FASN: variants seen among roughly 807,000 people sequenced by gnomAD.
FASN encodes fatty acid synthase, also known as 3-hydroxyacyl-[acyl-carrier-protein] dehydratase.
FASN carries 50 observed loss-of-function variants against 250.0 expected under a neutral mutation model. The ratio of observed to expected loss-of-function variants is 0.20; its 90% CI spans 0.16 to 0.25. The LOEUF is 0.25. Among genes scored for constraint, FASN ranks in the 10% least tolerant of loss-of-function variants. The pLI is 1.00. For synonymous variants in FASN, 1,909 were observed against 1,584.0 expected (o/e 1.21, Z -4.87); for missense variants, 3,031 against 3,498.5 (o/e 0.87, Z 3.37).
Position 82,085,760 on chromosome 17 carries a change from C to T in FASN, c.3844G>A (p.Ala1282Thr). The T allele has an allele frequency of 6.4e-7, 1 of 1,564,498 alleles. No homozygotes were observed. The highest frequency in any genetic ancestry group is 8.7e-7 in the Non-Finnish European group (1 of 1,155,046). ...TGCTGCTGCAGCTCGGCCTGGGCAG[C>T]CTCCAGGGCCTGGGGGTGGCGGTCG... Reference protein sequence around the residue: ...ATDRHPQALEAAQAELQQHDV... With the variant: ...ATDRHPQALETAQAELQQHDV... Residue 1282 changes from alanine to threonine, a missense_variant, in exon 23 of 43, where the codon GCT (alanine) becomes ACT (threonine). Coordinates refer to ENST00000306749, the MANE Select transcript of FASN (RefSeq NM_004104.5).
chr17:82,084,811 G>C lies in FASN; in HGVS notation c.4552C>G (p.Leu1518Val). ...DGAWGAFRHF[L>V]LEEDKPEEPT... is the part of the protein sequence containing the mutation. ...GTCGGGGGCTCACCCTCCTCCAGCA[G>C]GAAGTGGCGGAAAGCCCCCCAGGCC... Residue 1518 changes from leucine to valine, a missense_variant, in exon 26 of 43, where the codon CTG becomes GTG. Leu to Val is a conservative substitution (Grantham distance 32). Coordinates refer to ENST00000306749, the MANE Select transcript of FASN (RefSeq NM_004104.5). 1 of 1,550,270 alleles carries C rather than the reference G, an allele frequency of 6.5e-7. No homozygotes were observed. Among genetic ancestry groups the C allele is most frequent in the Non-Finnish European group, 8.7e-7 (1 of 1,146,960 alleles).
At position 82,079,235 on chromosome 17, in the gene FASN, G is replaced by A. The variant is rs777971087; in HGVS notation, c.7444C>T (p.Arg2482Cys). 3.4e-5 allele frequency: 55 copies of A among 1,612,928 alleles called. No individual in the cohort carries two copies. The highest frequency in any genetic ancestry group is 5.5e-5 in the South Asian group (5 of 91,088). ...VSVHVIEGDHRTLLEGSGLES... is the reference protein window; with the variant it reads ...VSVHVIEGDHCTLLEGSGLES... ...AGGCCGCTGCCCTCCAGCAGCGTGC[G>A]GTGGTCACCCTCGATGACGTGGACG... Residue 2482 changes from arginine to cysteine, a missense_variant, in exon 43 of 43, where the codon CGC (arginine) becomes TGC (cysteine). Transcript: ENST00000306749.
At chr17:82,082,721 GTC>G (rs1391018677) in intron 33 of FASN, 43 bp from the exon 34 acceptor site, 1 of 1,601,248 alleles carries the variant, frequency 6.2e-7, no homozygotes, top group South Asian at 1.1e-5. Flanking sequence ...CCAGGGTACG[GTC>G]TCTTCCCTAC....
chr17:82,079,437 G>A lies in FASN; in HGVS notation c.7318C>T (p.His2440Tyr). The A allele has an allele frequency of 6.2e-7, 1 of 1,613,036 alleles. No individual in the cohort carries two copies. Among genetic ancestry groups the A allele is most frequent in the Non-Finnish European group, 8.5e-7 (1 of 1,179,988 alleles). Residue 2440 changes from histidine to tyrosine, a missense_variant, in exon 42 of 43, where the codon CAT becomes TAT. By Grantham distance (83) the His-to-Tyr change is moderately conservative (BLOSUM62 2). Transcript: ENST00000306749. ...AEQYTPKAKY[H>Y]GNVMLLRAKT... The stretch of plus-strand genomic sequence containing the variant: ...GCGCGCAGTAGCATCACGTTGCCAT[G>A]GTACTTGGCCTTGGGTGTGTACTGC...
At chr17:82,082,287 C>A (rs372293697) in intron 35 of FASN, 36 bp downstream of exon 35, 14 of 1,610,224 alleles carry the variant, frequency 8.7e-6, no homozygotes, top group Non-Finnish European at 1.2e-5. Context: ...AGCCCAGAGC[C>A]CGGCAGAGGC....
rs762709317 is a variant in FASN, at chr17:82,091,664, G to A, written c.1050C>T (p.His350=). 45 of 1,588,940 alleles carry A rather than the reference G, an allele frequency of 2.8e-5. No homozygotes were observed. The highest frequency in any genetic ancestry group is 6.8e-5 in the East Asian group (3 of 44,006). Residue 350 remains histidine (H), a synonymous_variant, in exon 9 of 43, where the codon CAC becomes CAT. Transcript: ENST00000306749. ...AGTGCAGGTTGGGGGCCCAGAGCCC[G>A]TGCTCCAGGGACAGCAGCACCTGCG... ...ALAKVLLSLE[H]GLWAPNLHFH...
rs2033991569 is a variant in FASN, at chr17:82,081,761, G to A, written c.6246C>T (p.Gly2082=). ...AGGACGCCATGCGCTGGGGCAGCGT[G>A]CCACTGACGATCGTGTCGTTGGTGC... ...TMSTNDTIVS[G]TLPQRMASCL... Residue 2082 remains glycine, a synonymous_variant, in exon 37 of 43, where the codon GGC becomes GGT. Transcript: ENST00000306749. 1.2e-6 allele frequency: 2 copies of A among 1,612,566 alleles called. No homozygotes were observed. The highest frequency in any genetic ancestry group is 1.7e-5 in the Admixed American group (1 of 60,010).
chr17:82,084,341 C>T lies in FASN; in HGVS notation c.4812G>A (p.Ser1604=), dbSNP rs766545853. 8.1e-6 allele frequency: 13 copies of T among 1,608,974 alleles called. No homozygotes were observed. Among genetic ancestry groups the T allele is most frequent in the East Asian group, 4.5e-5 (2 of 44,688 alleles). ...CACGCTTGCCGCTGGCGTCTCGGCCCGAGAACTCCATACCTAGCAGGCTGT... is the reference window on the plus strand; with the variant it reads ...CACGCTTGCCGCTGGCGTCTCGGCCTGAGAACTCCATACCTAGCAGGCTGT... The part of the protein sequence containing the change: ...SQDSLLGMEF[S]GRDASGKRVM... Residue 1604 remains serine, a synonymous_variant, in exon 28 of 43, where the codon TCG becomes TCA. Coordinates refer to ENST00000306749, the MANE Select transcript of FASN (RefSeq NM_004104.5).
Position 82,088,073 on chromosome 17 carries a change from C to T in FASN, c.2786-39G>A, listed in dbSNP as rs17848932. ...GAGTTGGAGATCAGAGGGCAGCACC[C>T]GCCCCCCAGCTACCCCCGCCTTGGT... On this transcript the variant is annotated intron_variant, in intron 17 of 42. Coordinates refer to ENST00000306749, the MANE Select transcript of FASN (RefSeq NM_004104.5). 221 of 1,612,404 alleles carry T rather than the reference C, an allele frequency of 1.4e-4. 1 individual carries two copies. In the East Asian group the frequency reaches 4.0e-3, roughly 29 times the overall value.
Position 82,084,619 on chromosome 17 carries a change from G to A in FASN, c.4662C>T (p.Ala1554=), listed in dbSNP as rs763231502. 2 of 1,607,094 alleles carry A rather than the reference G, an allele frequency of 1.2e-6. No homozygotes were observed. The highest frequency in any genetic ancestry group is 1.7e-4 in the Middle Eastern group (1 of 6,054). The change falls in exon 27 of 43, where the codon GCC becomes GCT. Residue 1554 remains alanine (A), a synonymous_variant. Coordinates refer to ENST00000306749, the MANE Select transcript of FASN (RefSeq NM_004104.5). ...GCTGGGCGCCAGGGCAGGTGGGCTG[G>A]GCATGGCGCAGCGAGGAGCAGACCC... ...IRWVCSSLRH[A]QPTCPGAQLC...
In FASN at chr17:82,080,715, G is replaced by C. The variant is rs781371574; in HGVS notation, c.6803C>G (p.Thr2268Ser). 4 of 1,597,956 alleles carry C rather than the reference G, an allele frequency of 2.5e-6. No individual in the cohort carries two copies. Among genetic ancestry groups the C allele is most frequent in the Non-Finnish European group, 3.4e-6 (4 of 1,173,528 alleles). The part of the protein sequence containing the change: ...HSLASRLSIP[T>S]YGLQCTRAAP... ...ACCTCGGGTGCACTGCAGGCCATAGGTGGGGATGCTGAGCCGGGAGGCCAG... is the reference window on the plus strand; with the variant it reads ...ACCTCGGGTGCACTGCAGGCCATAGCTGGGGATGCTGAGCCGGGAGGCCAG... Residue 2268 changes from threonine (T) to serine (S), a missense_variant, in exon 39 of 43, where the codon ACC becomes AGC. Physicochemically the swap from Thr to Ser is moderately conservative, Grantham distance 58. Coordinates refer to ENST00000306749, the MANE Select transcript of FASN (RefSeq NM_004104.5).
rs2144799717 is a variant in FASN, at chr17:82,089,729, A to G, written c.1871-3T>C. The G allele has an allele frequency of 1.3e-6, 2 of 1,584,238 alleles. No homozygotes were observed. Among genetic ancestry groups the G allele is most frequent in the Non-Finnish European group, 1.7e-6 (2 of 1,166,748 alleles). ...TTTACACTCCTCCCAGGACAAGCCT[A>G]TGGCAGAGCCAGCCTCAGAGGCTTA... On this transcript the variant is annotated splice_polypyrimidine_tract_variant and splice_region_variant and intron_variant, in intron 11 of 42. Transcript: ENST00000306749.
At position 82,083,651 on chromosome 17, in the gene FASN, G is replaced by A. The variant is rs751846884; in HGVS notation, c.5219-12C>T. The A allele has an allele frequency of 1.2e-6, 2 of 1,605,076 alleles. No homozygotes were observed. Among genetic ancestry groups the A allele is most frequent in the Non-Finnish European group, 1.7e-6 (2 of 1,176,900 alleles). On this transcript the variant is annotated splice_polypyrimidine_tract_variant and intron_variant, in intron 30 of 42. Transcript: ENST00000306749. ...GACCAGGTCAACGCCTAGGGGGCCA[G>A]AGGGGCCAGACAATCACACCCACTG...
At chr17:82,088,939 C>T (rs542069876) in intron 14 of FASN, 30 bp downstream of exon 14, 96 of 1,607,674 alleles carry the variant, frequency 6.0e-5, no homozygotes, top group Middle Eastern at 1.7e-4. Flanking sequence ...CCCAGGCTCC[C>T]GGCGCCTGCT....
At chr17:82,096,601 A>T (rs1209637941) in intron 1 of FASN, 149 bp from the exon 2 acceptor site, 4 of 1,227,626 alleles carry the variant, frequency 3.3e-6, no homozygotes, top group Non-Finnish European at 4.7e-6. Context: ...TCCCTTCCTC[A>T]TGTGGCCAGT....
rs780226130 is a variant in FASN at position 82,088,974 on chromosome 17, G to A, written c.2299C>T (p.Leu767=). The A allele has an allele frequency of 2.5e-6, 4 of 1,609,238 alleles. No individual in the cohort carries two copies. The highest frequency in any genetic ancestry group is 3.4e-6 in the Non-Finnish European group (4 of 1,178,508). The change falls in exon 14 of 43, where the codon CTG becomes TTG. Residue 767 remains leucine, a synonymous_variant. Coordinates refer to ENST00000306749, the MANE Select transcript of FASN (RefSeq NM_004104.5). ...TGCCCCCAGGCTGGGCCTACCTGCA[G>A]CAGGGCGTGGGGCGCGATCTCCAGC... ...VVLEIAPHAL[L]QAVLKRGLKP... is the part of the protein sequence containing the mutation.
rs532743712 is a variant in FASN, at chr17:82,089,200, G to A, written c.2101-28C>T. 6 of 1,603,054 alleles carry A rather than the reference G, an allele frequency of 3.7e-6. No individual in the cohort carries two copies. In the East Asian group the frequency reaches 9.1e-5, roughly 24 times the overall value. Reference sequence around the variant, plus strand: ...GCATGAGGGGCCAGGTCAGTGCTGGGTTGTGGGTCCCCTGGCCCGCCCCGC... The same window carrying A: ...GCATGAGGGGCCAGGTCAGTGCTGGATTGTGGGTCCCCTGGCCCGCCCCGC... On this transcript the variant is annotated intron_variant, in intron 13 of 42. Transcript: ENST00000306749.
rs140072817 is a variant in FASN, at chr17:82,082,905, C to T, written c.5767+9G>A. Reference sequence around the variant, plus strand: ...CCAGGCTGGTCCACAAGCACCCCTGCCGACTCACCTGTCCGGATCCCGGAG... The same window carrying T: ...CCAGGCTGGTCCACAAGCACCCCTGTCGACTCACCTGTCCGGATCCCGGAG... On this transcript the variant is annotated intron_variant, in intron 33 of 42. Coordinates refer to ENST00000306749, the MANE Select transcript of FASN (RefSeq NM_004104.5). 1.3e-4 allele frequency: 212 copies of T among 1,612,530 alleles called. 2 individuals carry two copies. In the East Asian group the frequency reaches 3.0e-3, roughly 23 times the overall value.
At position 82,081,233 on chromosome 17, in the gene FASN, C is replaced by T. The variant is rs778511525; in HGVS notation, c.6526G>A (p.Val2176Met). The change falls in exon 38 of 43, where the codon GTG becomes ATG. Residue 2176 changes from valine (V) to methionine (M), a missense_variant. By Grantham distance (21) the Val-to-Met change is conservative. Coordinates refer to ENST00000306749, the MANE Select transcript of FASN (RefSeq NM_004104.5). ...LERELNLVLSVREVRQLTLRK... is the reference protein window; with the variant it reads ...LERELNLVLSMREVRQLTLRK... ...AGCGTGAGTTGCCGCACCTCGCGCA[C>T]GGACAGCACCAGGTTGAGCTCACGC... 24 of 1,590,472 alleles carry T rather than the reference C, an allele frequency of 1.5e-5. No homozygotes were observed. The highest frequency in any genetic ancestry group is 1.7e-4 in the Middle Eastern group (1 of 5,998).
Sources: gnomAD v4.1 joint callset for allele counts on GRCh38, gnomAD v4.1.1 for gene constraint, MANE v1.5 for transcripts, NCBI Gene and HGNC (gene_info 2026-07-23, HGNC 2026-07-21) for gene names.